MGST1: variants seen among roughly 807,000 people sequenced by gnomAD.
MGST1 encodes glutathione S-transferase 12.
A neutral mutation model predicts 8.9 loss-of-function variants in MGST1; 5 were observed. The observed-to-expected ratio is 0.56, with a 90% CI of 0.29 to 1.19. The LOEUF is 1.19. Among genes scored for constraint, MGST1 ranks in the 50% most tolerant of loss-of-function variants. The pLI is 0.08. For missense variants in MGST1, 182 were observed against 187.4 expected, an observed-to-expected ratio of 0.97 and a Z score of 0.17; for synonymous variants, 54 against 67.8, an observed-to-expected ratio of 0.80 and a Z score of 1.00.
chr12:16,361,401 A>G lies in MGST1; in HGVS notation c.222-2394A>G, dbSNP rs893875335. On this transcript the variant is annotated intron_variant, in intron 3 of 3. Transcript: ENST00000396210. The surrounding 1 kb of genome is among the most constrained non-coding windows in gnomAD (Gnocchi z 4.2). ...GGTGGGAAGGTCCGTCACAGAGCAAATATATGCCAGGGCATGTGTGTCCAA... is the reference window on the plus strand; with the variant it reads ...GGTGGGAAGGTCCGTCACAGAGCAAGTATATGCCAGGGCATGTGTGTCCAA... 6.6e-6 allele frequency among the ~76,000 whole-genome samples: 1 copy of G among 152,222 alleles called. No homozygotes were observed. Among genetic ancestry groups the G allele is most frequent in the Non-Finnish European group, 1.5e-5 (1 of 68,036 alleles).
chr12:16,350,368 A>G lies in MGST1; in HGVS notation c.-23+2658A>G, dbSNP rs567861169. On this transcript the variant is annotated intron_variant, in intron 1 of 3. Coordinates refer to ENST00000396210, the MANE Select transcript of MGST1 (RefSeq NM_020300.5). ...TGAGCAAACAAACCACTGTGCAAAC[A>G]TGATTGATCATTGTAAATATTTTCT... Among the ~76,000 whole-genome samples the G allele has an allele frequency of 3.7e-4, 57 of 152,362 alleles. 2 individuals are homozygous for G. Among genetic ancestry groups the G allele is most frequent in the Admixed American group, 1.3e-4 (2 of 15,312 alleles).
chr12:16,380,292 T>C (rs1940436866), downstream of MGST1, among the ~76,000 whole-genome samples: 1 of 152,188 alleles, frequency 6.6e-6, no homozygotes, highest in African/African-American at 2.4e-5. Context: ...GCTATAAATT[T>C]CCCTCTACAC....
intron 1 of MGST1, among the ~76,000 whole-genome samples, chr12:16,428,506 T>A (rs1167395737): frequency 1.3e-5 from 2 of 151,724 alleles, no homozygotes; most frequent in East Asian, 1.9e-4. Context: ...TTATCATGAG[T>A]TTTTAATTAT....
At chr12:16,434,795 A>G (rs961284573) in intron 1 of MGST1, among the ~76,000 whole-genome samples, 4 of 152,036 alleles carry the variant, frequency 2.6e-5, no homozygotes, top group Non-Finnish European at 5.9e-5. Context: ...ACGATTTGAC[A>G]GAATGCAAAT....
Position 16,560,273 on chromosome 12 carries a change from G to T in MGST1, n.483-29255G>T. On this transcript the variant is annotated intron_variant and non_coding_transcript_variant, in intron 4 of 4. Coordinates refer to the MGST1 transcript ENST00000538857. This position sits in a 1 kb window ranked among gnomAD's most constrained non-coding sequence, Gnocchi z 5.0. ...TCTTCTCCTTAGTAGCTTGTCTCTG[G>T]CATGGGATTAAAGTTTACAGAACAG... 1.2e-6 allele frequency: 1 copy of T among 840,114 alleles called. No individual in the cohort carries two copies. 52.0% of individuals were successfully genotyped at this position (840,114 alleles called of 1,614,324 possible). A position where few individuals can be genotyped will look rare whatever the true frequency, so the allele number is the denominator to read the frequency against.
intron 1 of MGST1, among the ~76,000 whole-genome samples, chr12:16,430,495 G>A (rs543051170): frequency 2.4e-4 from 37 of 152,186 alleles, no homozygotes; most frequent in African/African-American, 7.9e-4. Context: ...TCTTTGATCC[G>A]TGGGCTGCAG....
chr12:16,364,059 A>G lies in MGST1; in HGVS notation c.*18A>G, dbSNP rs1377121079. The G allele has an allele frequency of 2.5e-6, 4 of 1,576,588 alleles. No homozygotes were observed. Among genetic ancestry groups the G allele is most frequent in the East Asian group, 2.2e-5 (1 of 44,528 alleles). On this transcript the variant is annotated 3_prime_UTR_variant, in exon 4 of 4. Coordinates refer to ENST00000396210, the MANE Select transcript of MGST1 (RefSeq NM_020300.5). This position sits in a 1 kb window ranked among gnomAD's most constrained non-coding sequence, Gnocchi z 5.7. ...ACCTGTAAAGAAAATCATACAACTC[A>G]GCATCCAGTTGGCTTTTTAAGAATT...
intron 4 of MGST1, among the ~76,000 whole-genome samples, chr12:16,484,497 T>G (rs1232008412): frequency 6.6e-6 from 1 of 152,160 alleles, no homozygotes; most frequent in African/African-American, 2.4e-5. Flanking sequence ...AGATGGGTAA[T>G]TTATAAAGAA....
At chr12:16,580,632 A>G (rs80238810) in intron 4 of MGST1, among the ~76,000 whole-genome samples, 11,016 of 152,216 alleles carry the variant, frequency 0.072, 1,344 homozygotes, top group African/African-American at 0.25. Context: ...CTAAAAAATT[A>G]GGTTACAAAA....
At chr12:16,568,370 T>C (rs1942691707) in intron 4 of MGST1, among the ~76,000 whole-genome samples, 1 of 152,186 alleles carries the variant, frequency 6.6e-6, no homozygotes, top group African/African-American at 2.4e-5. Flanking sequence ...ATACCCTCCA[T>C]ACTCTGGATG....
intron 1 of MGST1, among the ~76,000 whole-genome samples, chr12:16,414,711 G>C (rs554906124): frequency 6.6e-6 from 1 of 152,100 alleles, no homozygotes; most frequent in Non-Finnish European, 1.5e-5. Flanking sequence ...CACCGCGCCC[G>C]GCCAAGGTGG....
intron 4 of MGST1, among the ~76,000 whole-genome samples, chr12:16,466,658 G>A (rs1315863421): frequency 6.6e-6 from 1 of 152,244 alleles, no homozygotes; most frequent in South Asian, 2.1e-4. Flanking sequence ...TGGGACAAAA[G>A]GAGAAACTAC....
In MGST1 at chr12:16,584,081, G is replaced by A. The variant is rs1462830023; in HGVS notation, n.483-5447G>A. On this transcript the variant is annotated intron_variant and non_coding_transcript_variant, in intron 4 of 4. Transcript: ENST00000538857. This position sits in a 1 kb window ranked among gnomAD's most constrained non-coding sequence, Gnocchi z 5.2. Reference sequence around the variant, plus strand: ...AGGGTCAAGGAGGCTCAACAAGTTAGGGCTTGGTTTCAAGTGAGTCATCTC... The same window carrying A: ...AGGGTCAAGGAGGCTCAACAAGTTAAGGCTTGGTTTCAAGTGAGTCATCTC... 6.6e-6 allele frequency among the ~76,000 whole-genome samples: 1 copy of A among 152,162 alleles called. No homozygotes were observed. Among genetic ancestry groups the A allele is most frequent in the African/African-American group, 2.4e-5 (1 of 41,446 alleles).
chr12:16,578,818 AAACAACAAC>A (rs201327858), intron 4 of MGST1, among the ~76,000 whole-genome samples: 32,305 of 141,002 alleles, frequency 0.23, 4,259 homozygotes, highest in South Asian at 0.31. Flanking sequence ...ATTCTGTCTC[AAACAACAAC>A]AACAACAACA....
Position 16,559,798 on chromosome 12 carries a change from GA to G in MGST1, n.483-29716del, listed in dbSNP as rs60838238. Among the ~76,000 whole-genome samples, 39,557 of 138,146 alleles carry G rather than the reference GA, an allele frequency of 0.29. 5,771 individuals carry two copies. Among genetic ancestry groups the G allele is most frequent in the South Asian group, 0.4 (1,718 of 4,292 alleles). 90.6% of individuals were successfully genotyped at this position (138,146 alleles called of 152,430 possible). ...AAACTCCATCATCTCTATAAAAAAT[GA>G]AAAAAAAAAAAAATTAGCCAGGCAT... is the stretch of plus-strand genomic sequence containing the variant. On this transcript the variant is annotated intron_variant and non_coding_transcript_variant, in intron 4 of 4. Transcript: ENST00000538857. The surrounding 1 kb of genome is among the most constrained non-coding windows in gnomAD (Gnocchi z 4.1).
chr12:16,540,859 G>A (rs1212626698), intron 4 of MGST1, among the ~76,000 whole-genome samples: 5 of 152,168 alleles, frequency 3.3e-5, no homozygotes, highest in Non-Finnish European at 7.3e-5. Flanking sequence ...GCAGCAAGCC[G>A]AGACAGCGCC....
At position 16,362,612 on chromosome 12, in the gene MGST1, A is replaced by C. The variant is rs1272922632; in HGVS notation, c.222-1183A>C. On this transcript the variant is annotated intron_variant, in intron 3 of 3. Coordinates refer to ENST00000396210, the MANE Select transcript of MGST1 (RefSeq NM_020300.5). This position sits in a 1 kb window ranked among gnomAD's most constrained non-coding sequence, Gnocchi z 4.4. ...AGCCTAGATTCTAAAGCAATTTCTA[A>C]TTCTGTAGACTTAAGGGAGGTGACA... The C allele has an allele frequency of 6.6e-6, 1 of 152,186 alleles. No homozygotes were observed. Among genetic ancestry groups the C allele is most frequent in the Non-Finnish European group, 1.5e-5 (1 of 68,032 alleles). 9.4% of individuals were successfully genotyped at this position (152,186 alleles called of 1,614,324 possible).
At chr12:16,514,929 A>G (rs763324923) in intron 4 of MGST1, among the ~76,000 whole-genome samples, 7 of 152,254 alleles carry the variant, frequency 4.6e-5, no homozygotes, top group Non-Finnish European at 7.3e-5. Flanking sequence ...TTTCTCAAAG[A>G]GTTTACATGT....
intron 4 of MGST1, among the ~76,000 whole-genome samples, chr12:16,486,170 A>T (rs1338968810): frequency 6.6e-6 from 1 of 152,186 alleles, no homozygotes; most frequent in Non-Finnish European, 1.5e-5. Flanking sequence ...CACACTTCGT[A>T]ACTACTCTAC....
Sources: allele counts gnomAD v4.1 joint callset (sites outside exome capture counted in the v4.1 genomes callset), GRCh38; gene constraint gnomAD v4.1.1; non-coding constraint Gnocchi (gnomAD v3.1); transcripts MANE v1.5; gene names NCBI Gene and HGNC (gene_info 2026-07-23, HGNC 2026-07-21).